The following FNDC3A variants were observed in gnomAD, a reference collection of about 807,000 sequenced individuals.
FNDC3A encodes the protein fibronectin type III domain containing 3A, also known as fibronectin type-III domain-containing protein 3A.
In FNDC3A, 32 loss-of-function variants were observed where a neutral mutation model predicts 148.9. The observed-to-expected ratio is 0.21, with a 90% confidence interval of 0.16 to 0.29. The LOEUF (loss-of-function observed/expected upper bound fraction) is 0.29. Among genes scored for constraint, FNDC3A ranks in the 10% least tolerant of loss-of-function variants. The probability of loss-of-function intolerance (pLI) is 1.00; values close to 1 mark genes in which losing one functional copy is unlikely to be tolerated. For missense variants in FNDC3A, 1,191 were observed against 1,452.8 expected, an observed-to-expected ratio of 0.82 and a Z score of 2.93; for synonymous variants, 472 against 473.6, an observed-to-expected ratio of 1.00 and a Z score of 0.04.
chr13:49,098,739 A>G (rs1308053292), intron 3 of FNDC3A, among the ~76,000 whole-genome samples: 1 of 152,144 alleles, frequency 6.6e-6, no homozygotes, highest in East Asian at 1.9e-4. Context: ...AATCATAGAA[A>G]TTTTCAGTTA....
chr13:49,158,738 T>A (rs1883890698), intron 8 of FNDC3A, among the ~76,000 whole-genome samples: 1 of 152,206 alleles, frequency 6.6e-6, no homozygotes, highest in African/African-American at 2.4e-5. Flanking sequence ...TCTTCTAGGG[T>A]TTTTATGGTT....
chr13:49,207,036 T>G (rs905819553), intron 25 of FNDC3A, 45 bp from the exon 26 acceptor site: 56 of 1,419,592 alleles, frequency 3.9e-5, no homozygotes, highest in Non-Finnish European at 5.4e-5. Flanking sequence ...ACATTTTCTG[T>G]CCAGCCTTCA....
chr13:49,006,522 A>AGTTGTTGTT (rs954058628), intron 2 of FNDC3A, among the ~76,000 whole-genome samples: 8 of 151,944 alleles, frequency 5.3e-5, no homozygotes, highest in African/African-American at 1.9e-4. Context: ...TTGCCATTCA[A>AGTTGTTGTT]GTTGTTTTTG....
In FNDC3A at chr13:49,175,358, T is replaced by C. The variant is rs1884975991; in HGVS notation, c.1356-9T>C. 8 of 1,546,878 alleles carry C rather than the reference T, an allele frequency of 5.2e-6. No individual in the cohort carries two copies. Among genetic ancestry groups the C allele is most frequent in the Non-Finnish European group, 7.0e-6 (8 of 1,146,660 alleles). ...TTTTCATGCCTTTTAAAACCATTTGTTTCAACAGTGGTTTTAGTGAAGAAG... is the reference window on the plus strand; with the variant it reads ...TTTTCATGCCTTTTAAAACCATTTGCTTCAACAGTGGTTTTAGTGAAGAAG... On this transcript the variant is annotated splice_polypyrimidine_tract_variant and intron_variant, in intron 12 of 25. Coordinates refer to ENST00000492622, the MANE Select transcript of FNDC3A (RefSeq NM_001079673.2).
chr13:49,149,855 A>G (rs989408241), intron 8 of FNDC3A, among the ~76,000 whole-genome samples: 3 of 152,122 alleles, frequency 2.0e-5, no homozygotes, highest in African/African-American at 7.2e-5. Flanking sequence ...TACTGATTCA[A>G]TCTCATTACT....
intron 2 of FNDC3A, among the ~76,000 whole-genome samples, chr13:49,046,986 CT>C (rs1875465190): frequency 6.6e-6 from 1 of 151,956 alleles, no homozygotes. Context: ...AATGTGTAGT[CT>C]TTTATCCCTC....
chr13:49,056,572 C>A (rs1876261682), intron 2 of FNDC3A, among the ~76,000 whole-genome samples: 1 of 152,146 alleles, frequency 6.6e-6, no homozygotes, highest in African/African-American at 2.4e-5. Context: ...CCTGCAACTC[C>A]TATTAAAATG....
At chr13:49,106,773 CAAAAAAAAAAA>C (rs543962565) in intron 3 of FNDC3A, among the ~76,000 whole-genome samples, 3 of 79,890 alleles carry the variant, frequency 3.8e-5, no homozygotes, top group African/African-American at 1.6e-4. Flanking sequence ...TGAATGAAAG[CAAAAAAAAAAA>C]AAAAAAAAAC....
intron 4 of FNDC3A, among the ~76,000 whole-genome samples, chr13:49,129,095 T>C (rs1426030654): frequency 3.3e-5 from 5 of 152,266 alleles, no homozygotes; most frequent in Non-Finnish European, 7.3e-5. Flanking sequence ...ATATTTAATA[T>C]ATCATTCTGA....
At chr13:49,152,061 G>T (rs1373317510) in intron 8 of FNDC3A, among the ~76,000 whole-genome samples, 1 of 152,150 alleles carries the variant, frequency 6.6e-6, no homozygotes, top group Admixed American at 6.5e-5. Context: ...CTTTATGGTA[G>T]CATGATTAAT....
chr13:49,191,493 C>A (rs1028535915), intron 19 of FNDC3A, 109 bp downstream of exon 19: 16 of 790,884 alleles, frequency 2.0e-5, no homozygotes, highest in Non-Finnish European at 2.9e-5. Context: ...CATATGACTC[C>A]AAATTTTACA....
intron 1 of FNDC3A, among the ~76,000 whole-genome samples, chr13:49,000,301 A>C (rs535922802): frequency 2.0e-5 from 3 of 152,312 alleles, no homozygotes; most frequent in African/African-American, 7.2e-5. Context: ...GCATGTGGCT[A>C]TCCAGTTTTT....
chr13:49,174,407 G>T (rs1200723933), intron 11 of FNDC3A, 28 bp from the exon 12 acceptor site: 2 of 1,584,924 alleles, frequency 1.3e-6, no homozygotes, highest in Non-Finnish European at 8.7e-7. Flanking sequence ...AATGTACATG[G>T]TATATAATAA....
intron 1 of FNDC3A, among the ~76,000 whole-genome samples, chr13:48,985,505 T>C (rs554187428): frequency 3.7e-4 from 56 of 152,294 alleles, no homozygotes; most frequent in Admixed American, 1.4e-3. Flanking sequence ...AGATCATCAT[T>C]AGAACAGTTA....
chr13:48,985,713 A>G (rs1951778087), intron 1 of FNDC3A, among the ~76,000 whole-genome samples: 1 of 152,214 alleles, frequency 6.6e-6, no homozygotes, highest in African/African-American at 2.4e-5. Flanking sequence ...ATAACAACCA[A>G]TCCCAGAAAA....
rs530872663 is a variant in FNDC3A, at chr13:49,161,821, A to G, written c.978-5423A>G. 1.1e-4 allele frequency among the ~76,000 whole-genome samples: 17 copies of G among 152,022 alleles called. No homozygotes were observed. In the South Asian group the frequency reaches 3.5e-3, roughly 32 times the overall value. On this transcript the variant is annotated intron_variant, in intron 8 of 25. Coordinates refer to ENST00000492622, the MANE Select transcript of FNDC3A (RefSeq NM_001079673.2). ...CCTGGTGGTGACAGAATCTCTCAGG[A>G]TTTGCTTGTAAATTTGTCTGTAAAG...
chr13:48,994,549 C>T (rs1480277341), intron 1 of FNDC3A, among the ~76,000 whole-genome samples: 2 of 152,228 alleles, frequency 1.3e-5, no homozygotes, highest in South Asian at 2.1e-4. Flanking sequence ...GAGGCCGACG[C>T]GGGCAGATCA....
At chr13:49,062,730 T>C (rs1876982382) in intron 2 of FNDC3A, among the ~76,000 whole-genome samples, 1 of 152,202 alleles carries the variant, frequency 6.6e-6, no homozygotes, top group Non-Finnish European at 1.5e-5. Context: ...ATTCCTGTTA[T>C]ACCACTTGTT....
At chr13:49,186,530 G>A (rs7326409) in intron 15 of FNDC3A, among the ~76,000 whole-genome samples, 149,814 of 152,386 alleles carry the variant, frequency 0.98, 73,672 homozygotes, top group South Asian at 1. Context: ...AAATGCTTCA[G>A]TGATATTTAT....
Sources: gnomAD v4.1 joint callset for allele counts (sites outside exome capture counted in the v4.1 genomes callset) on GRCh38, gnomAD v4.1.1 for gene constraint, MANE v1.5 for transcripts, NCBI Gene and HGNC (gene_info 2026-07-23, HGNC 2026-07-21) for gene names.